HS3ST2: variants seen among roughly 807,000 people sequenced by gnomAD.
HS3ST2 encodes heparan sulfate-glucosamine 3-sulfotransferase 2.
In HS3ST2, 17 loss-of-function variants were observed where a neutral mutation model predicts 26.3. That is an observed-to-expected ratio of 0.65 (90% CI 0.44 to 0.97). HS3ST2 has a LOEUF of 0.97. Ranked by LOEUF, HS3ST2 falls within the 50% of genes least tolerant of loss-of-function variation. The pLI is 0.00. For missense variants in HS3ST2, 402 were observed against 501.2 expected (o/e 0.80, Z 1.89); for synonymous variants, 237 against 219.2 (o/e 1.08, Z -0.72).
intron 1 of HS3ST2, among the ~76,000 whole-genome samples, chr16:22,832,151 C>CTTTTCT (rs1337530497): frequency 8.7e-6 from 1 of 115,476 alleles, no homozygotes; most frequent in African/African-American, 3.2e-5. Flanking sequence ...CCCAGCTGAT[C>CTTTTCT]TTTTTTTTTT....
intron 1 of HS3ST2, among the ~76,000 whole-genome samples, chr16:22,860,081 A>T (rs1901654160): frequency 6.6e-6 from 1 of 152,166 alleles, no homozygotes; most frequent in African/African-American, 2.4e-5. Context: ...AGCTCTATTT[A>T]AAATGACAAT....
chr16:22,850,237 A>G (rs753045531), intron 1 of HS3ST2, among the ~76,000 whole-genome samples: 10 of 151,932 alleles, frequency 6.6e-5, no homozygotes, highest in Non-Finnish European at 1.5e-4. Flanking sequence ...TATGTAGCAT[A>G]ATCAGAATGA....
rs906258248 is a variant in HS3ST2 at position 22,832,897 on chromosome 16, C to A, written c.485+17802C>A. Among the ~76,000 whole-genome samples the A allele has an allele frequency of 3.9e-5, 6 of 152,068 alleles. No individual in the cohort carries two copies. In the East Asian group the frequency reaches 7.7e-4, roughly 20 times the overall value. The stretch of plus-strand genomic sequence containing the variant: ...GAAGCATTCCTGTTGCTCACCCCAC[C>A]CACCCTACACCCTGAGCCAACTCAG... On this transcript the variant is annotated intron_variant, in intron 1 of 1. Transcript: ENST00000261374.
At chr16:22,839,615 T>G (rs210090) in intron 1 of HS3ST2, among the ~76,000 whole-genome samples, 29,608 of 151,898 alleles carry the variant, frequency 0.19, 3,077 homozygotes, top group African/African-American at 0.23. Context: ...GGATATTGTA[T>G]GCTTTTTTTT....
chr16:22,892,076 C>T (rs2090530230), intron 1 of HS3ST2, among the ~76,000 whole-genome samples: 1 of 144,846 alleles, frequency 6.9e-6, no homozygotes, highest in Admixed American at 7.0e-5. Flanking sequence ...AGATCGAGAT[C>T]ATCCTGGCCA....
At chr16:22,827,585 G>A (rs557110877) in intron 1 of HS3ST2, among the ~76,000 whole-genome samples, 5 of 152,218 alleles carry the variant, frequency 3.3e-5, no homozygotes, top group African/African-American at 1.2e-4. Flanking sequence ...GGCAAGGTGT[G>A]AGAGAGAGGA....
intron 1 of HS3ST2, among the ~76,000 whole-genome samples, chr16:22,841,155 G>C (rs1901349714): frequency 6.6e-6 from 1 of 151,964 alleles, no homozygotes; most frequent in South Asian, 2.1e-4. Context: ...TCTGCTTCCT[G>C]GGTTCAAGCG....
chr16:22,851,305 A>G (rs915282516), intron 1 of HS3ST2, among the ~76,000 whole-genome samples: 1 of 152,226 alleles, frequency 6.6e-6, no homozygotes, highest in Admixed American at 6.5e-5. Context: ...CCTGCATTTT[A>G]TGTGCATAAT....
At chr16:22,885,866 G>A (rs1467302446) in intron 1 of HS3ST2, among the ~76,000 whole-genome samples, 1 of 152,126 alleles carries the variant, frequency 6.6e-6, no homozygotes, top group Non-Finnish European at 1.5e-5. Context: ...GTCACTGGTC[G>A]ACAAAATGCC....
chr16:22,832,590 G>C (rs1282534797), intron 1 of HS3ST2, among the ~76,000 whole-genome samples: 1 of 151,966 alleles, frequency 6.6e-6, no homozygotes, highest in Non-Finnish European at 1.5e-5. Flanking sequence ...AGGCCAGGGT[G>C]GCCAGCATAG....
At chr16:22,914,513 C>G (rs547297663) in intron 1 of HS3ST2, among the ~76,000 whole-genome samples, 5 of 151,894 alleles carry the variant, frequency 3.3e-5, no homozygotes, top group African/African-American at 1.2e-4. Context: ...CGAGACTAGC[C>G]TGGCAACATA....
At chr16:22,844,029 A>ACG (rs1346232746) in intron 1 of HS3ST2, among the ~76,000 whole-genome samples, 2 of 148,176 alleles carry the variant, frequency 1.3e-5, no homozygotes, top group Non-Finnish European at 2.9e-5. Flanking sequence ...ACACACACAC[A>ACG]CACACACGCA....
intron 1 of HS3ST2, among the ~76,000 whole-genome samples, chr16:22,839,332 CA>C (rs1274471635): frequency 2.0e-5 from 3 of 152,208 alleles, no homozygotes; most frequent in Admixed American, 2.0e-4. Context: ...GAAAGGGGCT[CA>C]GAAAACCTGG....
At chr16:22,882,369 T>G (rs1902000250) in intron 1 of HS3ST2, among the ~76,000 whole-genome samples, 1 of 151,692 alleles carries the variant, frequency 6.6e-6, no homozygotes, top group Non-Finnish European at 1.5e-5. Flanking sequence ...CTCAAAAAAT[T>G]AAAAAATGAT....
At chr16:22,896,618 T>C (rs992483730) in intron 1 of HS3ST2, among the ~76,000 whole-genome samples, 7 of 152,236 alleles carry the variant, frequency 4.6e-5, no homozygotes, top group African/African-American at 1.4e-4. Flanking sequence ...TTTGTTCTAA[T>C]GTTTATTTTT....
At chr16:22,856,529 G>A (rs1901597397) in intron 1 of HS3ST2, among the ~76,000 whole-genome samples, 1 of 152,148 alleles carries the variant, frequency 6.6e-6, no homozygotes, top group South Asian at 2.1e-4. Flanking sequence ...TTGTTCTTCT[G>A]TCTTGCTCCC....
At chr16:22,866,949 T>C (rs1489733257) in intron 1 of HS3ST2, among the ~76,000 whole-genome samples, 1 of 152,230 alleles carries the variant, frequency 6.6e-6, no homozygotes, top group Non-Finnish European at 1.5e-5. Context: ...TTCAATTAAA[T>C]GGAAACCCCT....
At chr16:22,822,813 C>T (rs1901017620) in intron 1 of HS3ST2, among the ~76,000 whole-genome samples, 1 of 150,884 alleles carries the variant, frequency 6.6e-6, no homozygotes, top group Non-Finnish European at 1.5e-5. Context: ...CAAGATAGCA[C>T]CACTGCATTC....
At chr16:22,870,554 C>T (rs777896967) in intron 1 of HS3ST2, among the ~76,000 whole-genome samples, 2 of 152,148 alleles carry the variant, frequency 1.3e-5, no homozygotes, top group Admixed American at 6.5e-5. Flanking sequence ...ATGCCTGTTC[C>T]TGTTTGTCTC....
Sources: allele counts gnomAD v4.1 joint callset (sites outside exome capture counted in the v4.1 genomes callset), GRCh38; gene constraint gnomAD v4.1.1; transcripts MANE v1.5; gene names NCBI Gene and HGNC (gene_info 2026-07-23, HGNC 2026-07-21).